The following NHS variants were observed in gnomAD, a reference collection of about 807,000 sequenced individuals.
NHS encodes actin remodeling regulator NHS.
In NHS, 5 loss-of-function variants were observed where a neutral mutation model predicts 72.5. That is an observed-to-expected ratio of 0.07 (90% confidence interval 0.04 to 0.14). NHS has a LOEUF of 0.14. Among genes scored for constraint, NHS ranks in the 10% least tolerant of loss-of-function variants. NHS has a pLI of 1.00. For missense variants in NHS, 1,072 were observed against 1,355.7 expected (o/e 0.79, Z 3.29); for synonymous variants, 464 against 547.7 (o/e 0.85, Z 2.13).
intron 1 of NHS, among the ~76,000 whole-genome samples, chrX:17,441,950 A>G (rs976467743): frequency 1.8e-5 from 2 of 111,850 alleles, no homozygotes; most frequent in African/African-American, 6.5e-5. Flanking sequence ...CACCTGGAGG[A>G]CTTGTTTAAA....
intron 1 of NHS, among the ~76,000 whole-genome samples, chrX:17,661,763 C>T (rs193079824): frequency 7.1e-5 from 8 of 112,296 alleles, no homozygotes; most frequent in Non-Finnish European, 1.1e-4. Flanking sequence ...GGGCTAGGCG[C>T]GGTGGCTGAC....
At chrX:17,601,067 A>G (rs1056049814) in intron 1 of NHS, among the ~76,000 whole-genome samples, 12 of 112,200 alleles carry the variant, frequency 1.1e-4, no homozygotes, top group African/African-American at 3.9e-4. Flanking sequence ...TCTCATGGAA[A>G]CAACAGGAAA....
chrX:17,428,941 A>C (rs1346024665), intron 1 of NHS, among the ~76,000 whole-genome samples: 2 of 111,213 alleles, frequency 1.8e-5, no homozygotes, highest in Non-Finnish European at 3.8e-5. Flanking sequence ...CTTGAATTCC[A>C]ACTGCAATTA....
chrX:17,376,463 C>T (rs1440080552), intron 1 of NHS, 141 bp downstream of exon 1: 5 of 565,905 alleles, frequency 8.8e-6, no homozygotes, highest in Non-Finnish European at 1.1e-5. Context: ...TCCCACCCTT[C>T]CCATCCCCTG....
rs185228999 is a variant in NHS at position 17,689,034 on chromosome X, C to A, written c.718+1140C>A. ...CACTCTTTTAAGAAATGGCATTTTG[C>A]AAAAGTATTAAAATGCAAGTAAAAT... On this transcript the variant is annotated intron_variant, in intron 2 of 8. Coordinates refer to ENST00000676302, the MANE Select transcript of NHS (RefSeq NM_001291867.2). Among the ~76,000 whole-genome samples, 8 of 112,147 alleles carry A rather than the reference C, an allele frequency of 7.1e-5. No homozygotes were observed. The East Asian group carries it at 2.2e-3, about 31-fold the overall frequency.
Position 17,676,788 on chromosome X carries a change from C to T in NHS, c.566-10954C>T, listed in dbSNP as rs181340959. Among the ~76,000 whole-genome samples, 4 of 112,493 alleles carry T rather than the reference C, an allele frequency of 3.6e-5. No individual in the cohort carries two copies. The East Asian group carries it at 1.1e-3, about 31-fold the overall frequency. ...GGTGATGGGCTGGTCATTTTCAGTA[C>T]AGGTTGCTGAAAAGCAAGCACTTTA... On this transcript the variant is annotated intron_variant, in intron 1 of 8. Coordinates refer to ENST00000676302, the MANE Select transcript of NHS (RefSeq NM_001291867.2).
intron 3 of NHS, among the ~76,000 whole-genome samples, chrX:17,704,509 A>G (rs1473740853): frequency 9.1e-6 from 1 of 110,427 alleles, no homozygotes; most frequent in Non-Finnish European, 1.9e-5. Context: ...CATTTTAACC[A>G]GGCTGGTCTC....
chrX:17,675,726 A>G (rs543207616), intron 1 of NHS, among the ~76,000 whole-genome samples: 3 of 112,292 alleles, frequency 2.7e-5, no homozygotes, highest in Middle Eastern at 9.1e-3. Flanking sequence ...AGTATTTGCC[A>G]CTCATCTAGC....
chrX:17,723,796 G>C (rs1240383529), intron 5 of NHS, among the ~76,000 whole-genome samples: 1 of 86,814 alleles, frequency 1.2e-5, no homozygotes, highest in Non-Finnish European at 2.2e-5. Flanking sequence ...CATGGGGAAT[G>C]CAAGAAGGTT....
chrX:17,485,008 C>G (rs1248092481), intron 1 of NHS, among the ~76,000 whole-genome samples: 1 of 111,936 alleles, frequency 8.9e-6, no homozygotes. Context: ...AGGCTCCCCT[C>G]TTCATTTAGC....
rs140515788 is a variant in NHS at position 17,547,786 on chromosome X, T to C, written c.566-139956T>C. Among the ~76,000 whole-genome samples the C allele has an allele frequency of 9.3e-3, 1,039 of 112,216 alleles. 8 individuals carry two copies. Among genetic ancestry groups the C allele is most frequent in the South Asian group, 0.046 (124 of 2,720 alleles). On this transcript the variant is annotated intron_variant, in intron 1 of 8. Transcript: ENST00000676302. ...ACACTTATTCTTTCTCATGATCCTG[T>C]GGGTCAGCTGGGCAGACTGCCAGGT... is the stretch of plus-strand genomic sequence containing the variant.
intron 1 of NHS, among the ~76,000 whole-genome samples, chrX:17,467,816 C>G (rs2064876488): frequency 9.0e-6 from 1 of 111,143 alleles, no homozygotes; most frequent in African/African-American, 3.3e-5. Flanking sequence ...GTAGGTGAAA[C>G]TGGGATAAAA....
chrX:17,578,825 A>G (rs1243718518), intron 1 of NHS, among the ~76,000 whole-genome samples: 2 of 112,238 alleles, frequency 1.8e-5, no homozygotes, highest in African/African-American at 3.2e-5. Flanking sequence ...TAAGTGCTCA[A>G]TAAGTGTTCG....
Position 17,727,415 on chromosome X carries a change from C to T in NHS, c.3309C>T (p.His1103=). Reference sequence around the variant, plus strand: ...ATAATGTCTTGAACAAACCATTCCACCACCGTCATCCACTGCATGTTTTTA... The same window carrying T: ...ATAATGTCTTGAACAAACCATTCCATCACCGTCATCCACTGCATGTTTTTA... The part of the protein sequence containing the change: ...ALHNVLNKPF[H]HRHPLHVFTH... The change falls in exon 7 of 9, where the codon CAC becomes CAT. Residue 1103 remains histidine, a synonymous_variant. Coordinates refer to ENST00000676302, the MANE Select transcript of NHS (RefSeq NM_001291867.2). The T allele has an allele frequency of 8.3e-7, 1 of 1,211,288 alleles. No homozygotes were observed. Among genetic ancestry groups the T allele is most frequent in the Non-Finnish European group, 1.1e-6 (1 of 895,188 alleles).
chrX:17,542,533 G>A (rs911085976), intron 1 of NHS, among the ~76,000 whole-genome samples: 2 of 112,828 alleles, frequency 1.8e-5, no homozygotes, highest in African/African-American at 6.4e-5. Context: ...ACATTGAAGG[G>A]GGTTGGCCAT....
rs769521650 is a variant in NHS at position 17,634,684 on chromosome X, C to A, written c.566-53058C>A. On this transcript the variant is annotated intron_variant, in intron 1 of 8. Transcript: ENST00000676302. ...GCTATTACTGCTGTTATCAGCATCA[C>A]GAGAGTCTAACATGTTGATACAGGT... is the stretch of plus-strand genomic sequence containing the variant. Among the ~76,000 whole-genome samples the A allele has an allele frequency of 1.9e-4, 16 of 83,720 alleles. No individual in the cohort carries two copies. In the South Asian group the frequency reaches 0.011, roughly 58 times the overall value. The allele number at this position is 83,720 out of a possible 115,157, so 72.7% of individuals were successfully genotyped here.
chrX:17,538,019 G>A (rs766215925), intron 1 of NHS, among the ~76,000 whole-genome samples: 1 of 112,084 alleles, frequency 8.9e-6, no homozygotes, highest in East Asian at 2.8e-4. Context: ...GGCTGTGGAG[G>A]CCTCCAGTGC....
chrX:17,629,091 TCA>T (rs772203766), intron 1 of NHS, among the ~76,000 whole-genome samples: 16 of 112,189 alleles, frequency 1.4e-4, no homozygotes, highest in African/African-American at 5.2e-4. Flanking sequence ...CAGATATTTC[TCA>T]GTGTGTGAAG....
chrX:17,726,682 G>A lies in NHS; in HGVS notation c.2576G>A (p.Arg859Lys). Residue 859 changes from arginine to lysine, a missense_variant, in exon 7 of 9, where the codon AGG (arginine) becomes AAG (lysine). Coordinates refer to ENST00000676302, the MANE Select transcript of NHS (RefSeq NM_001291867.2). ...PTPPKRSSSL[R>K]KSDGNADISE... ...CCACCTAAACGTAGCTCATCATTGA[G>A]GAAGTCTGATGGAAACGCAGATATT... is the stretch of plus-strand genomic sequence containing the variant. The A allele has an allele frequency of 8.3e-7, 1 of 1,211,953 alleles. No homozygotes were observed. Among genetic ancestry groups the A allele is most frequent in the Non-Finnish European group, 1.1e-6 (1 of 895,587 alleles).
Sources: allele counts gnomAD v4.1 joint callset (sites outside exome capture counted in the v4.1 genomes callset), GRCh38; gene constraint gnomAD v4.1.1; transcripts MANE v1.5; gene names NCBI Gene and HGNC (gene_info 2026-07-23, HGNC 2026-07-21).